CEP104: variants seen among roughly 807,000 people sequenced by gnomAD.
CEP104 encodes centrosomal protein of 104 kDa.
CEP104 carries 84 observed loss-of-function variants against 113.3 expected under a neutral mutation model. The observed-to-expected ratio is 0.74, with a 90% CI of 0.62 to 0.89. The LOEUF is 0.89. CEP104 is among the 40% of genes least tolerant of loss of function. CEP104 has a pLI of 0.00. For missense variants in CEP104, 1,053 were observed against 1,156.6 expected, an observed-to-expected ratio of 0.91 and a Z score of 1.30; for synonymous variants, 378 against 421.7, an observed-to-expected ratio of 0.90 and a Z score of 1.27.
chr1:3,839,839 T>C (rs901479675), intron 6 of CEP104, 63 bp from the exon 7 acceptor site: 1 of 1,378,142 alleles, frequency 7.3e-7, no homozygotes, highest in African/African-American at 1.4e-5. Flanking sequence ...GTGCTGAAGA[T>C]GCACGGTTGA....
chr1:3,838,656 A>G (rs1276490284), intron 8 of CEP104, among the ~76,000 whole-genome samples: 2 of 152,246 alleles, frequency 1.3e-5, no homozygotes, highest in Non-Finnish European at 2.9e-5. Context: ...GGGCAGGGTC[A>G]TCACTGCCTT....
chr1:3,839,812 C>T (rs999665831), intron 6 of CEP104, 36 bp from the exon 7 acceptor site: 2 of 1,574,286 alleles, frequency 1.3e-6, no homozygotes, highest in African/African-American at 2.7e-5. Flanking sequence ...GAGATAATTT[C>T]ACGCCCTAGG....
Position 3,823,342 on chromosome 1 carries a change from C to G in CEP104, c.2503+82G>C. On this transcript the variant is annotated intron_variant, in intron 19 of 21. Transcript: ENST00000378230. This position sits in a 1 kb window ranked among gnomAD's most constrained non-coding sequence, Gnocchi z 4.1. ...TGCCCTTTAATTCACCAAGCCCTTGCACAGGCTCAAGAGCAGTGGCACTTC... is the reference window on the plus strand; with the variant it reads ...TGCCCTTTAATTCACCAAGCCCTTGGACAGGCTCAAGAGCAGTGGCACTTC... 6.2e-7 allele frequency: 1 copy of G among 1,611,072 alleles called. No homozygotes were observed. Among genetic ancestry groups the G allele is most frequent in the Non-Finnish European group, 8.5e-7 (1 of 1,177,354 alleles).
chr1:3,823,047 C>G lies in CEP104; in HGVS notation c.2571+127G>C. 1.2e-6 allele frequency: 1 copy of G among 819,498 alleles called. No homozygotes were observed. The allele number at this position is 819,498 out of a possible 1,614,324, so 50.8% of individuals were successfully genotyped here. On this transcript the variant is annotated intron_variant, in intron 20 of 21. Coordinates refer to ENST00000378230, the MANE Select transcript of CEP104 (RefSeq NM_014704.4). The surrounding 1 kb of genome is among the most constrained non-coding windows in gnomAD (Gnocchi z 4.1). ...AGACAGGGCTCACTAGACGCTGTCC[C>G]CTCCCTGAACACTCATGTACTGTAC...
At position 3,823,506 on chromosome 1, in the gene CEP104, G is replaced by T. The variant is rs189791331; in HGVS notation, c.2421C>A (p.Asp807Glu). 6.2e-7 allele frequency: 1 copy of T among 1,614,192 alleles called. No individual in the cohort carries two copies. The highest frequency in any genetic ancestry group is 2.2e-5 in the East Asian group (1 of 44,890). The change falls in exon 19 of 22, where the codon GAC (aspartate) becomes GAA (glutamate). Residue 807 changes from aspartate (D) to glutamate (E), a missense_variant. Asp to Glu is a conservative substitution (Grantham distance 45). Transcript: ENST00000378230. This position sits in a 1 kb window ranked among gnomAD's most constrained non-coding sequence, Gnocchi z 4.1. The stretch of plus-strand genomic sequence containing the variant: ...TGCAACGGTAACACTTTCCAAACCC[G>T]TCTTTTTTGTCACATTCCGTCAGCA... ...EHLLTECDKK[D>E]GFGKCYRCSE...
chr1:3,839,263 G>T, intron 7 of CEP104, 144 bp from the exon 8 acceptor site: 1 of 741,768 alleles, frequency 1.3e-6, no homozygotes, highest in Admixed American at 2.3e-5. Context: ...GCCACACTCA[G>T]CAAAGGTCTG....
chr1:3,848,213 C>T (rs1644543997), intron 3 of CEP104, among the ~76,000 whole-genome samples: 1 of 152,000 alleles, frequency 6.6e-6, no homozygotes, highest in Non-Finnish European at 1.5e-5. Context: ...AACACAGGAC[C>T]AAAAGTTAAG....
chr1:3,825,981 T>C (rs1355751377), intron 17 of CEP104, 115 bp from the exon 18 acceptor site: 8 of 754,134 alleles, frequency 1.1e-5, no homozygotes, highest in Non-Finnish European at 1.6e-5. Context: ...ATGTGTGCAC[T>C]TTCCCTCTCA....
intron 18 of CEP104, among the ~76,000 whole-genome samples, chr1:3,824,658 AG>A (rs1644048554): frequency 6.6e-6 from 1 of 152,314 alleles, no homozygotes; most frequent in Non-Finnish European, 1.5e-5. Context: ...GGACAACCCG[AG>A]GGAAACCGGT....
Position 3,816,264 on chromosome 1 carries a change from C to T in CEP104, c.2662+16G>A, listed in dbSNP as rs751102945. The T allele has an allele frequency of 3.2e-5, 50 of 1,546,732 alleles. No homozygotes were observed. The highest frequency in any genetic ancestry group is 6.0e-5 in the South Asian group (5 of 83,672). The stretch of plus-strand genomic sequence containing the variant: ...AGGGATGCAGACTACACCTGCTCAG[C>T]GGCGCTGTCCCTCACCTGGCTGCAG... On this transcript the variant is annotated intron_variant, in intron 21 of 21. Transcript: ENST00000378230.
intron 3 of CEP104, 124 bp from the exon 4 acceptor site, chr1:3,847,737 C>T: frequency 1.0e-6 from 1 of 960,870 alleles, no homozygotes; most frequent in Non-Finnish European, 1.6e-6. Context: ...CTAGACTACC[C>T]CTATGCAGGA....
At chr1:3,841,984 G>C (rs905978259) in intron 6 of CEP104, among the ~76,000 whole-genome samples, 2 of 152,242 alleles carry the variant, frequency 1.3e-5, no homozygotes, top group African/African-American at 4.8e-5. Flanking sequence ...CTTCCCCACA[G>C]TGCTTCCATC....
chr1:3,840,498 A>G (rs1644392942), intron 6 of CEP104, among the ~76,000 whole-genome samples: 1 of 152,088 alleles, frequency 6.6e-6, no homozygotes, highest in Non-Finnish European at 1.5e-5. Context: ...TCAGCCTCCC[A>G]AAGTGTTGGG....
chr1:3,848,547 A>AAAAAG, intron 3 of CEP104, 61 bp downstream of exon 3: 1 of 1,390,902 alleles, frequency 7.2e-7, no homozygotes, highest in Non-Finnish European at 9.9e-7. Context: ...AAAAAAAAAA[A>AAAAAG]GAGCTTTCAG....
chr1:3,841,044 A>G (rs1045616832), intron 6 of CEP104, among the ~76,000 whole-genome samples: 1 of 152,158 alleles, frequency 6.6e-6, no homozygotes, highest in Non-Finnish European at 1.5e-5. Context: ...CCAGCTCTAC[A>G]GTAGGGTCTA....
At chr1:3,854,964 T>G (rs1432470962) in intron 1 of CEP104, among the ~76,000 whole-genome samples, 2 of 149,304 alleles carry the variant, frequency 1.3e-5, no homozygotes, top group South Asian at 2.1e-4. Context: ...CTCTGCCTCC[T>G]GGGTTCAAGT....
chr1:3,854,025 A>T (rs1359879496), intron 1 of CEP104, among the ~76,000 whole-genome samples: 1 of 152,236 alleles, frequency 6.6e-6, no homozygotes, highest in Non-Finnish European at 1.5e-5. Context: ...AACCTATGCC[A>T]GAAACGCACA....
chr1:3,840,538 T>C (rs1270284435), intron 6 of CEP104, among the ~76,000 whole-genome samples: 2 of 150,834 alleles, frequency 1.3e-5, no homozygotes, highest in Non-Finnish European at 3.0e-5. Context: ...GCGCCCAGCC[T>C]GTATTTTTTT....
Position 3,823,383 on chromosome 1 carries a change from T to G in CEP104, c.2503+41A>C. 1 of 1,614,058 alleles carries G rather than the reference T, an allele frequency of 6.2e-7. No individual in the cohort carries two copies. The highest frequency in any genetic ancestry group is 8.5e-7 in the Non-Finnish European group (1 of 1,179,944). On this transcript the variant is annotated intron_variant, in intron 19 of 21. Coordinates refer to ENST00000378230, the MANE Select transcript of CEP104 (RefSeq NM_014704.4). This position sits in a 1 kb window ranked among gnomAD's most constrained non-coding sequence, Gnocchi z 4.1. ...GTGGCACTTCCTCCAAGAGGACCCC[T>G]GGTGACCCGAGGGCACGGGAGCCTG...
Sources: allele counts gnomAD v4.1 joint callset (sites outside exome capture counted in the v4.1 genomes callset), GRCh38; gene constraint gnomAD v4.1.1; non-coding constraint Gnocchi (gnomAD v3.1); transcripts MANE v1.5; gene names NCBI Gene and HGNC (gene_info 2026-07-23, HGNC 2026-07-21).